RNF115: variants seen among roughly 807,000 people sequenced by gnomAD.
RNF115 encodes the protein E3 ubiquitin-protein ligase RNF115.
In RNF115, 31 loss-of-function variants were observed where a neutral mutation model predicts 39.2. The observed-to-expected ratio is 0.79, with a 90% confidence interval of 0.59 to 1.07. The LOEUF (loss-of-function observed/expected upper bound fraction) is 1.07. Ranked by LOEUF, RNF115 falls within the 50% of genes least tolerant of loss-of-function variation. The pLI is 0.00. For synonymous variants in RNF115, 124 were observed against 131.0 expected (o/e 0.95, Z 0.37); for missense variants, 384 against 381.7 (o/e 1.01, Z -0.05).
rs145955671 is a variant in RNF115 at position 145,757,136 on chromosome 1, A to C, written c.429-4087T>G. ...CAGGAGTAAGCCACCGCACCCAGCC[A>C]AATTTCTCTCCTTATAAGACTATCA... On this transcript the variant is annotated intron_variant, in intron 4 of 8. Coordinates refer to ENST00000582693, the MANE Select transcript of RNF115 (RefSeq NM_014455.4). 4.3e-4 allele frequency among the ~76,000 whole-genome samples: 65 copies of C among 152,224 alleles called. No individual in the cohort carries two copies. In the Middle Eastern group the frequency reaches 0.014, roughly 32 times the overall value.
chr1:145,814,806 A>G (rs1649907444), intron 1 of RNF115, among the ~76,000 whole-genome samples: 1 of 152,158 alleles, frequency 6.6e-6, no homozygotes, highest in Non-Finnish European at 1.5e-5. Flanking sequence ...AAGAATACAT[A>G]TTTATTTCTA....
At chr1:145,765,657 A>G (rs1647224694) in intron 4 of RNF115, among the ~76,000 whole-genome samples, 1 of 152,156 alleles carries the variant, frequency 6.6e-6, no homozygotes, top group African/African-American at 2.4e-5. Context: ...TCAGTTATAA[A>G]TTTATAAATT....
intron 1 of RNF115, among the ~76,000 whole-genome samples, chr1:145,795,527 C>T (rs901103005): frequency 2.0e-5 from 3 of 152,086 alleles, no homozygotes; most frequent in Admixed American, 1.3e-4. Flanking sequence ...AATCCTTTAG[C>T]TAGACACAGG....
chr1:145,808,779 A>T (rs1373459855), intron 1 of RNF115, among the ~76,000 whole-genome samples: 1 of 152,222 alleles, frequency 6.6e-6, no homozygotes, highest in Non-Finnish European at 1.5e-5. Context: ...TAATACCTGT[A>T]AACATTTAGC....
At chr1:145,772,141 T>C (rs918044776) in intron 3 of RNF115, 43 of 465,312 alleles carry the variant, frequency 9.2e-5, no homozygotes, top group East Asian at 7.9e-4. Flanking sequence ...AAACTGGTTG[T>C]AGCAATTTAA....
At chr1:145,809,148 T>A (rs1325583130) in intron 1 of RNF115, among the ~76,000 whole-genome samples, 3 of 151,818 alleles carry the variant, frequency 2.0e-5, no homozygotes, top group Admixed American at 6.6e-5. Flanking sequence ...AACCCTTTAG[T>A]CATTAGTCTA....
chr1:145,756,342 G>A (rs1325140832), intron 4 of RNF115, among the ~76,000 whole-genome samples: 1 of 151,932 alleles, frequency 6.6e-6, no homozygotes, highest in Admixed American at 6.6e-5. Flanking sequence ...CACCTGTAAT[G>A]CCAGCTGCTC....
At chr1:145,790,824 TATA>T (rs2101572876) in intron 1 of RNF115, among the ~76,000 whole-genome samples, 1 of 152,148 alleles carries the variant, frequency 6.6e-6, no homozygotes, top group African/African-American at 2.4e-5. Flanking sequence ...AGTAAAACAT[TATA>T]ATAATGATGG....
intron 1 of RNF115, among the ~76,000 whole-genome samples, chr1:145,791,302 G>A (rs1222920898): frequency 1.3e-5 from 2 of 151,088 alleles, no homozygotes; most frequent in African/African-American, 2.4e-5. Flanking sequence ...ACCTGAGGTC[G>A]GGAATTCGAG....
intron 1 of RNF115, among the ~76,000 whole-genome samples, chr1:145,795,382 T>C (rs1277557074): frequency 6.6e-6 from 1 of 152,132 alleles, no homozygotes; most frequent in South Asian, 2.1e-4. Context: ...TGCTGGCTGG[T>C]ACGGCCAGCT....
At chr1:145,752,829 C>T (rs587668427) in intron 5 of RNF115, 149 bp downstream of exon 5, 38 of 548,226 alleles carry the variant, frequency 6.9e-5, no homozygotes, top group South Asian at 6.1e-4. Context: ...CCTCGTGATC[C>T]GCCAGCCTCG....
At position 145,740,341 on chromosome 1, in the gene RNF115, C is replaced by T. The variant is rs1657652244; in HGVS notation, c.*6525G>A. The T allele has an allele frequency of 6.6e-6, 1 of 152,232 alleles. No homozygotes were observed. Among genetic ancestry groups the T allele is most frequent in the Non-Finnish European group, 1.5e-5 (1 of 68,038 alleles). 9.4% of individuals were successfully genotyped at this position (152,232 alleles called of 1,614,324 possible). On this transcript the variant is annotated 3_prime_UTR_variant, in exon 9 of 9. Coordinates refer to ENST00000582693, the MANE Select transcript of RNF115 (RefSeq NM_014455.4). ...AGTTTATGAAGACATTTAAGAGCAT[C>T]AGATTACTAGCTCTGACTCAAACTA... is the stretch of plus-strand genomic sequence containing the variant.
intron 4 of RNF115, among the ~76,000 whole-genome samples, chr1:145,764,197 G>A (rs1424017388): frequency 6.6e-6 from 1 of 152,184 alleles, no homozygotes; most frequent in African/African-American, 2.4e-5. Context: ...ATTGCAGACG[G>A]AGTCTTGTTC....
intron 7 of RNF115, among the ~76,000 whole-genome samples, chr1:145,749,510 C>T (rs990325196): frequency 6.6e-6 from 1 of 152,134 alleles, no homozygotes; most frequent in Non-Finnish European, 1.5e-5. Flanking sequence ...ATGGCAGCAC[C>T]ATGTTTATAG....
At chr1:145,781,290 C>T (rs1648136419) in intron 3 of RNF115, among the ~76,000 whole-genome samples, 1 of 152,166 alleles carries the variant, frequency 6.6e-6, no homozygotes, top group Non-Finnish European at 1.5e-5. Flanking sequence ...GTACAAGCAG[C>T]TCCAGCTAAA....
At chr1:145,786,286 G>A (rs990223040) in intron 2 of RNF115, among the ~76,000 whole-genome samples, 31 of 152,218 alleles carry the variant, frequency 2.0e-4, no homozygotes, top group Middle Eastern at 3.4e-3. Context: ...ATATTTACAT[G>A]CAAGGCCCTC....
In RNF115 at chr1:145,771,713, T is replaced by C; in HGVS notation, c.426A>G (p.Glu142=). ...SSRPDRSPAI[E]GILQHIFAGF... ...GAACTTAAAATAAAACAACTCACCC[T>C]TCAATAGCTGGAGATCTGTCAGGAC... The change falls in exon 4 of 9, where the codon GAA becomes GAG. Residue 142 remains glutamate, a splice_region_variant and synonymous_variant. Transcript: ENST00000582693. The C allele has an allele frequency of 6.2e-7, 1 of 1,613,078 alleles. No homozygotes were observed. The highest frequency in any genetic ancestry group is 8.5e-7 in the Non-Finnish European group (1 of 1,179,302).
chr1:145,786,060 T>C (rs1168098530), intron 2 of RNF115, among the ~76,000 whole-genome samples: 2 of 152,212 alleles, frequency 1.3e-5, no homozygotes, highest in Non-Finnish European at 2.9e-5. Context: ...TCCTTGGTAA[T>C]TGAAACCGCA....
At chr1:145,772,107 C>G (rs1647671772) in intron 3 of RNF115, 188 bp from the exon 4 acceptor site, 3 of 544,158 alleles carry the variant, frequency 5.5e-6, no homozygotes, top group Non-Finnish European at 9.7e-6. Context: ...TTCAACTTTA[C>G]TGGGTAATGA....
Sources: allele counts gnomAD v4.1 joint callset (sites outside exome capture counted in the v4.1 genomes callset), GRCh38; gene constraint gnomAD v4.1.1; transcripts MANE v1.5; gene names NCBI Gene and HGNC (gene_info 2026-07-23, HGNC 2026-07-21).